The following MTHFD1L variants were observed in gnomAD, a reference collection of about 807,000 sequenced individuals.
The protein encoded by MTHFD1L is monofunctional C1-tetrahydrofolate synthase, mitochondrial.
A neutral mutation model predicts 119.5 loss-of-function variants in MTHFD1L; 81 were observed. The observed-to-expected ratio is 0.68, with a 90% CI of 0.57 to 0.82. The LOEUF is 0.82. Among genes scored for constraint, MTHFD1L ranks in the 40% least tolerant of loss-of-function variants. MTHFD1L has a pLI of 0.00. For missense variants in MTHFD1L, 1,125 were observed against 1,253.4 expected (o/e 0.90, Z 1.55); for synonymous variants, 430 against 475.2 (o/e 0.90, Z 1.24).
chr6:150,912,814 A>T (rs1469828132), intron 8 of MTHFD1L: 1 of 369,326 alleles, frequency 2.7e-6, no homozygotes, highest in Non-Finnish European at 5.6e-6. Flanking sequence ...TTGGACTGTG[A>T]TCCCAGGATA....
At chr6:150,982,255 C>A (rs1229610550) in intron 20 of MTHFD1L, among the ~76,000 whole-genome samples, 1 of 151,816 alleles carries the variant, frequency 6.6e-6, no homozygotes, top group African/African-American at 2.4e-5. Context: ...AGACCATATA[C>A]AAAACCCAGA....
chr6:151,085,757 C>T (rs1007567158), intron 26 of MTHFD1L, among the ~76,000 whole-genome samples: 2 of 125,712 alleles, frequency 1.6e-5, no homozygotes, highest in Admixed American at 8.7e-5. Flanking sequence ...GGCGACAGAG[C>T]GAGACTCTGT....
At chr6:151,099,697 A>T in intron 27 of MTHFD1L, 9 of 1,609,980 alleles carry the variant, frequency 5.6e-6, no homozygotes, top group Non-Finnish European at 6.8e-6. Context: ...GATGCCCAAC[A>T]CTGGTTATGG....
At chr6:150,988,225 C>T (rs1242472285) in intron 20 of MTHFD1L, among the ~76,000 whole-genome samples, 1 of 152,082 alleles carries the variant, frequency 6.6e-6, no homozygotes, top group East Asian at 1.9e-4. Flanking sequence ...TCATAAAATG[C>T]ATAAGCTTTT....
At chr6:151,055,521 C>T (rs1340649858) in intron 26 of MTHFD1L, among the ~76,000 whole-genome samples, 3 of 142,488 alleles carry the variant, frequency 2.1e-5, no homozygotes, top group Non-Finnish European at 3.1e-5. Flanking sequence ...TGTGCTGAAT[C>T]TTTTTTTTTT....
chr6:150,912,594 A>G (rs1041089305), intron 8 of MTHFD1L: 10 of 448,988 alleles, frequency 2.2e-5, no homozygotes, highest in Non-Finnish European at 2.8e-5. Flanking sequence ...TGCACTGCTC[A>G]TATTAGTGAA....
intron 7 of MTHFD1L, among the ~76,000 whole-genome samples, chr6:150,899,711 C>T (rs1006366376): frequency 6.6e-6 from 1 of 152,080 alleles, no homozygotes; most frequent in African/African-American, 2.4e-5. Flanking sequence ...CAGTGGCTCA[C>T]GCCTGTAATC....
intron 1 of MTHFD1L, among the ~76,000 whole-genome samples, chr6:150,872,598 A>G (rs1199576953): frequency 6.6e-6 from 1 of 152,166 alleles, no homozygotes; most frequent in Non-Finnish European, 1.5e-5. Flanking sequence ...ACACATCACC[A>G]GAACAAACAT....
Position 151,015,672 on chromosome 6 carries a change from C to G in MTHFD1L, c.2565C>G (p.Phe855Leu). The G allele has an allele frequency of 1.9e-6, 3 of 1,613,830 alleles. No homozygotes were observed. The highest frequency in any genetic ancestry group is 2.5e-6 in the Non-Finnish European group (3 of 1,179,928). The change falls in exon 24 of 28, where the codon TTC becomes TTG. Residue 855 changes from phenylalanine (F) to leucine (L), a missense_variant. Phe to Leu is a conservative substitution (Grantham distance 22). Coordinates refer to ENST00000367321, the MANE Select transcript of MTHFD1L (RefSeq NM_015440.5). ...VREAASKRSR[F>L]QFLYDVQVPI... is the part of the protein sequence containing the mutation. Reference sequence around the variant, plus strand: ...AGGCTGCGAGTAAAAGAAGCCGATTCCAGTTCCTGTATGATGTTCAGGTAA... The same window carrying G: ...AGGCTGCGAGTAAAAGAAGCCGATTGCAGTTCCTGTATGATGTTCAGGTAA...
chr6:150,947,607 A>AT (rs59115308), intron 15 of MTHFD1L, among the ~76,000 whole-genome samples: 2 of 149,996 alleles, frequency 1.3e-5, no homozygotes, highest in Non-Finnish European at 3.0e-5. Flanking sequence ...AAAAGTTTTA[A>AT]TTTTTTTTTT....
At chr6:150,943,964 G>T (rs1294166756) in intron 13 of MTHFD1L, among the ~76,000 whole-genome samples, 3 of 152,046 alleles carry the variant, frequency 2.0e-5, no homozygotes, top group African/African-American at 7.2e-5. Flanking sequence ...ATGAATAAAC[G>T]TAGTGAGTGA....
At chr6:150,898,370 G>A (rs1784583273) in intron 7 of MTHFD1L, among the ~76,000 whole-genome samples, 1 of 152,180 alleles carries the variant, frequency 6.6e-6, no homozygotes, top group African/African-American at 2.4e-5. Flanking sequence ...CACTCATGGT[G>A]CTCTCCCCAC....
chr6:150,944,489 A>C lies in MTHFD1L; in HGVS notation c.1444A>C (p.Asn482His), dbSNP rs771500631. ...YAQVIPMEEF[N>H]LHLTGDIHAI... is the part of the protein sequence containing the mutation. Reference sequence around the variant, plus strand: ...GAAAGATATCTTATTTCTCTAGTTCAACCTTCACTTGACTGGAGACATCCA... The same window carrying C: ...GAAAGATATCTTATTTCTCTAGTTCCACCTTCACTTGACTGGAGACATCCA... The change falls in exon 14 of 28, where the codon AAC becomes CAC. Residue 482 changes from asparagine to histidine, a missense_variant. By Grantham distance (68) the Asn-to-His change is moderately conservative. Around this residue, in one of 3 missense-constraint regions of MTHFD1L, gnomAD observed 1,058 missense variants for 1,151.2 expected, o/e 0.92. Transcript: ENST00000367321. 6.2e-7 allele frequency: 1 copy of C among 1,610,922 alleles called. No homozygotes were observed. Among genetic ancestry groups the C allele is most frequent in the East Asian group, 2.2e-5 (1 of 44,882 alleles).
At chr6:150,942,231 C>A (rs1408523551) in intron 13 of MTHFD1L, among the ~76,000 whole-genome samples, 5 of 152,172 alleles carry the variant, frequency 3.3e-5, no homozygotes, top group Non-Finnish European at 1.5e-5. Context: ...TGCACTCCAG[C>A]CCAGGCAACA....
intron 7 of MTHFD1L, among the ~76,000 whole-genome samples, chr6:150,888,874 G>T (rs1782745447): frequency 6.6e-6 from 1 of 152,086 alleles, no homozygotes; most frequent in African/African-American, 2.4e-5. Context: ...GATCAGTGGG[G>T]AAAAGATTAA....
intron 20 of MTHFD1L, among the ~76,000 whole-genome samples, chr6:151,004,008 TAAAA>T (rs397886081): frequency 1.5e-4 from 19 of 126,022 alleles, no homozygotes; most frequent in African/African-American, 2.3e-4. Context: ...TGCTTTTTTT[TAAAA>T]AAAAAAAAAA....
chr6:151,013,734 G>A (rs1163358965), intron 21 of MTHFD1L, 45 bp from the exon 22 acceptor site: 2 of 1,536,298 alleles, frequency 1.3e-6, no homozygotes, highest in Non-Finnish European at 1.8e-6. Flanking sequence ...GGTTGTGTAA[G>A]CATTTTTATA....
chr6:151,047,584 C>A (rs1479609803), intron 26 of MTHFD1L, among the ~76,000 whole-genome samples: 1 of 152,168 alleles, frequency 6.6e-6, no homozygotes, highest in Non-Finnish European at 1.5e-5. Flanking sequence ...GTACCGTGAT[C>A]TGTTAAGGAA....
intron 8 of MTHFD1L, among the ~76,000 whole-genome samples, chr6:150,907,751 A>G (rs1379560287): frequency 6.6e-6 from 1 of 152,224 alleles, no homozygotes; most frequent in Non-Finnish European, 1.5e-5. Flanking sequence ...AAGGTTGTAA[A>G]TCAGGGATGG....
Sources: gnomAD v4.1 joint callset for allele counts (sites outside exome capture counted in the v4.1 genomes callset) on GRCh38, gnomAD v4.1.1 for gene constraint, gnomAD v4.1.1 regional missense constraint, MANE v1.5 for transcripts, NCBI Gene and HGNC (gene_info 2026-07-23, HGNC 2026-07-21) for gene names.